The following SYNDIG1 variants were observed in gnomAD, a reference collection of about 807,000 sequenced individuals.
SYNDIG1 encodes synapse differentiation inducing 1.
A neutral mutation model predicts 19.4 loss-of-function variants in SYNDIG1; 9 were observed. That is an observed-to-expected ratio of 0.46 (90% CI 0.28 to 0.81). The LOEUF is 0.81. Among genes scored for constraint, SYNDIG1 ranks in the 30% least tolerant of loss-of-function variants. SYNDIG1 has a pLI of 0.12. For missense variants in SYNDIG1, 311 were observed against 343.3 expected (o/e 0.91, Z 0.74); for synonymous variants, 141 against 145.9 (o/e 0.97, Z 0.24).
chr20:24,640,355 G>A (rs1229486024), intron 3 of SYNDIG1, among the ~76,000 whole-genome samples: 4 of 86,958 alleles, frequency 4.6e-5, no homozygotes, highest in East Asian at 2.1e-4. Context: ...CATTGAGAGC[G>A]AGAGAGAGAG....
chr20:24,486,807 C>T (rs868623134), intron 1 of SYNDIG1, among the ~76,000 whole-genome samples: 16 of 152,138 alleles, frequency 1.1e-4, no homozygotes, highest in Middle Eastern at 3.4e-3. Context: ...TACAGGTGTG[C>T]GCCAACATGC....
At chr20:24,597,241 G>A (rs2058609762) in intron 3 of SYNDIG1, 1 of 152,238 alleles carries the variant, frequency 6.6e-6, no homozygotes, top group Non-Finnish European at 1.5e-5. Context: ...TAAAAGTGCA[G>A]TTTGGGAGGG....
At chr20:24,565,448 C>T (rs1980822) in intron 2 of SYNDIG1, among the ~76,000 whole-genome samples, 41,250 of 151,986 alleles carry the variant, frequency 0.27, 6,171 homozygotes, top group East Asian at 0.58. Flanking sequence ...GGATGGGGGA[C>T]GGGGCATCTG....
At chr20:24,578,453 AAAG>A (rs1041666851) in intron 2 of SYNDIG1, among the ~76,000 whole-genome samples, 10 of 148,316 alleles carry the variant, frequency 6.7e-5, no homozygotes, top group Admixed American at 2.0e-4. Context: ...AAAAAAAAAA[AAAG>A]AAAGAAAGAA....
intron 3 of SYNDIG1, among the ~76,000 whole-genome samples, chr20:24,660,438 G>A (rs896742507): frequency 2.0e-5 from 3 of 152,174 alleles, no homozygotes; most frequent in Admixed American, 2.0e-4. Context: ...GAGGGTCCAT[G>A]TACAGCATGT....
rs1438741317 is a variant in SYNDIG1, at chr20:24,554,709, T to C, written c.480+11132T>C. On this transcript the variant is annotated intron_variant, in intron 2 of 3. Coordinates refer to ENST00000376862, the MANE Select transcript of SYNDIG1 (RefSeq NM_024893.3). Reference sequence around the variant, plus strand: ...TGTGCTGCTGGATTCGGTTTGCCAGTATTTTATTGAGGATTTTTGCATCAA... The same window carrying C: ...TGTGCTGCTGGATTCGGTTTGCCAGCATTTTATTGAGGATTTTTGCATCAA... 2.6e-5 allele frequency among the ~76,000 whole-genome samples: 4 copies of C among 151,992 alleles called. No individual in the cohort carries two copies. In the South Asian group the frequency reaches 6.3e-4, roughly 24 times the overall value.
At position 24,654,563 on chromosome 20, in the gene SYNDIG1, T is replaced by A. The variant is rs78532276; in HGVS notation, c.619-10783T>A. 2.6e-3 allele frequency among the ~76,000 whole-genome samples: 354 copies of A among 135,930 alleles called. 3 individuals are homozygous for A. Among genetic ancestry groups the A allele is most frequent in the African/African-American group, 9.5e-3 (341 of 35,936 alleles). 89.2% of individuals were successfully genotyped at this position (135,930 alleles called of 152,430 possible). A position where few individuals can be genotyped will look rare whatever the true frequency, so the allele number is the denominator to read the frequency against. On this transcript the variant is annotated intron_variant, in intron 3 of 3. Transcript: ENST00000376862. ...GCAACAAAAGGAGAGAGGTGGACAA[T>A]GACAAAAGCAAGCAAGAGAAAGGAA...
At chr20:24,498,593 T>G (rs1316374319) in intron 1 of SYNDIG1, among the ~76,000 whole-genome samples, 1 of 152,182 alleles carries the variant, frequency 6.6e-6, no homozygotes, top group African/African-American at 2.4e-5. Flanking sequence ...CCTCATGTCA[T>G]ATATGTAGAT....
chr20:24,575,055 C>T (rs1289251170), intron 2 of SYNDIG1, among the ~76,000 whole-genome samples: 6 of 152,244 alleles, frequency 3.9e-5, no homozygotes, highest in Non-Finnish European at 8.8e-5. Context: ...TCCCCAGCCT[C>T]ATCCCATTAC....
At position 24,536,944 on chromosome 20, in the gene SYNDIG1, T is replaced by C. The variant is rs575233764; in HGVS notation, c.-78-6076T>C. Among the ~76,000 whole-genome samples, 12 of 152,252 alleles carry C rather than the reference T, an allele frequency of 7.9e-5. No homozygotes were observed. The South Asian group carries it at 2.5e-3, about 32-fold the overall frequency. On this transcript the variant is annotated intron_variant, in intron 1 of 3. Transcript: ENST00000376862. ...TACTGCCCAAAAGCACTTTGAGCAG[T>C]AGAGGACCACCGCATCTGTCAGTTG...
intron 1 of SYNDIG1, among the ~76,000 whole-genome samples, chr20:24,525,286 C>CTTTTT (rs11471122): frequency 3.8e-5 from 4 of 106,554 alleles, no homozygotes; most frequent in Non-Finnish European, 5.7e-5. Context: ...TCTTCTTCTT[C>CTTTTT]TTTTTTTTTT....
At chr20:24,593,493 G>A (rs1158370398) in intron 3 of SYNDIG1, among the ~76,000 whole-genome samples, 1 of 152,100 alleles carries the variant, frequency 6.6e-6, no homozygotes, top group African/African-American at 2.4e-5. Context: ...GTGCTATGAT[G>A]AACATATGCA....
chr20:24,555,909 A>T (rs2057805014), intron 2 of SYNDIG1, among the ~76,000 whole-genome samples: 1 of 152,230 alleles, frequency 6.6e-6, no homozygotes, highest in East Asian at 1.9e-4. Flanking sequence ...GTGGGGTGTT[A>T]AAGTCTCCCA....
intron 2 of SYNDIG1, among the ~76,000 whole-genome samples, chr20:24,551,956 G>T (rs1194608631): frequency 6.6e-6 from 1 of 152,176 alleles, no homozygotes. Flanking sequence ...GTTCTGTCCT[G>T]CAAAGTGTTT....
At chr20:24,470,580 G>A (rs2055404941) in intron 1 of SYNDIG1, among the ~76,000 whole-genome samples, 1 of 152,162 alleles carries the variant, frequency 6.6e-6, no homozygotes, top group African/African-American at 2.4e-5. Flanking sequence ...GCACTCTCTG[G>A]GCAGTGAGGA....
intron 1 of SYNDIG1, among the ~76,000 whole-genome samples, chr20:24,501,878 C>T (rs1417231147): frequency 6.6e-6 from 1 of 152,194 alleles, no homozygotes. Flanking sequence ...CTCTGCAGGC[C>T]CCGAGCTGCT....
At chr20:24,659,095 G>A (rs138337854) in intron 3 of SYNDIG1, among the ~76,000 whole-genome samples, 2 of 152,196 alleles carry the variant, frequency 1.3e-5, no homozygotes, top group East Asian at 3.9e-4. Flanking sequence ...ACTGCTGAGC[G>A]TGGCATACTG....
At chr20:24,492,666 CGCTACATTGCT>C in intron 1 of SYNDIG1, among the ~76,000 whole-genome samples, 1 of 152,264 alleles carries the variant, frequency 6.6e-6, no homozygotes, top group African/African-American at 2.4e-5. Context: ...CTCCTTCCCC[CGCTACATTGCT>C]GGAGTGTGAG....
chr20:24,590,660 C>G (rs2147070430), intron 3 of SYNDIG1, among the ~76,000 whole-genome samples: 3 of 152,148 alleles, frequency 2.0e-5, no homozygotes, highest in Middle Eastern at 6.8e-3. Context: ...ATGCCCTGGA[C>G]CAGGGGTTTC....
Sources: gnomAD v4.1 joint callset for allele counts (sites outside exome capture counted in the v4.1 genomes callset) on GRCh38, gnomAD v4.1.1 for gene constraint, MANE v1.5 for transcripts, NCBI Gene and HGNC (gene_info 2026-07-23, HGNC 2026-07-21) for gene names.